Variants in LRRC38 observed in about 807,000 individuals in gnomAD.
LRRC38 encodes the protein leucine rich repeat containing 38, also known as leucine-rich repeat-containing protein 38.
In LRRC38, 5 loss-of-function variants were observed where a neutral mutation model predicts 16.4. The ratio of observed to expected loss-of-function variants is 0.31; its 90% CI spans 0.16 to 0.64. LRRC38 has a LOEUF of 0.64. Ranked by LOEUF, LRRC38 falls within the 30% of genes least tolerant of loss-of-function variation. LRRC38 has a pLI of 0.80. For synonymous variants in LRRC38, 191 were observed against 190.2 expected (o/e 1.00, Z -0.04); for missense variants, 341 against 401.8 (o/e 0.85, Z 1.29).
At chr1:13,497,178 G>A (rs576016274) in intron 1 of LRRC38, among the ~76,000 whole-genome samples, 2 of 152,094 alleles carry the variant, frequency 1.3e-5, no homozygotes, top group Admixed American at 6.5e-5. Context: ...TTCATGATAC[G>A]GGAGCCCCTG....
chr1:13,497,625 AT>A (rs1222605801), intron 1 of LRRC38, among the ~76,000 whole-genome samples: 1 of 111,186 alleles, frequency 9.0e-6, no homozygotes, highest in Non-Finnish European at 1.7e-5. Context: ...AAAACTTCAT[AT>A]GCAAAAAAAA....
At chr1:13,502,780 T>C (rs1244882609) in intron 1 of LRRC38, among the ~76,000 whole-genome samples, 1 of 152,188 alleles carries the variant, frequency 6.6e-6, no homozygotes, top group African/African-American at 2.4e-5. Context: ...GGAAGTTAGG[T>C]GACCTGTCAA....
chr1:13,490,547 T>C (rs759824145), intron 1 of LRRC38, among the ~76,000 whole-genome samples: 1 of 152,126 alleles, frequency 6.6e-6, no homozygotes, highest in Non-Finnish European at 1.5e-5. Context: ...CAACCATCAC[T>C]GCCACTGCTG....
rs1236267589 is a variant in LRRC38 at position 13,475,999 on chromosome 1, T to C, written c.732A>G (p.Ser244=). 16 of 1,550,074 alleles carry C rather than the reference T, an allele frequency of 1.0e-5. No homozygotes were observed. The highest frequency in any genetic ancestry group is 1.3e-5 in the Non-Finnish European group (15 of 1,146,904). ...ASFSECRFSL[S]LTDLCIIIFS... is the part of the protein sequence containing the mutation. The stretch of plus-strand genomic sequence containing the variant: ...AAATGATGATGCAGAGGTCTGTGAG[T>C]GACAGGCTGAACCTACACTCGCTGA... The change falls in exon 2 of 2, where the codon TCA becomes TCG. Residue 244 remains serine, a synonymous_variant. Coordinates refer to ENST00000376085, the MANE Select transcript of LRRC38 (RefSeq NM_001010847.2). The surrounding 1 kb of genome is among the most constrained non-coding windows in gnomAD (Gnocchi z 4.3).
chr1:13,488,693 T>C (rs150734494), intron 1 of LRRC38, among the ~76,000 whole-genome samples: 23 of 152,282 alleles, frequency 1.5e-4, no homozygotes, highest in African/African-American at 5.3e-4. Context: ...TGATAAGCCA[T>C]GAAAGGGTAT....
At chr1:13,481,375 T>C (rs534681077) in intron 1 of LRRC38, among the ~76,000 whole-genome samples, 3 of 137,054 alleles carry the variant, frequency 2.2e-5, no homozygotes, top group Non-Finnish European at 3.2e-5. Context: ...AGTGTTCTTA[T>C]GTTTTTTTTA....
chr1:13,485,285 A>AAAC (rs955076565), intron 1 of LRRC38, among the ~76,000 whole-genome samples: 1 of 149,122 alleles, frequency 6.7e-6, no homozygotes, highest in African/African-American at 2.5e-5. Flanking sequence ...CTTAAAAAAA[A>AAAC]AAAAAAAAAC....
intron 1 of LRRC38, among the ~76,000 whole-genome samples, chr1:13,492,141 C>T (rs1639020606): frequency 6.6e-6 from 1 of 152,218 alleles, no homozygotes. Context: ...CAGGCACAGG[C>T]AAATATTATT....
chr1:13,505,252 G>C (rs893782073), intron 1 of LRRC38, among the ~76,000 whole-genome samples: 1 of 152,126 alleles, frequency 6.6e-6, no homozygotes, highest in African/African-American at 2.4e-5. Flanking sequence ...CACCACTCCC[G>C]CAGCTGGGGG....
rs1270637201 is a variant in LRRC38, at chr1:13,481,760, TCCCTCTCTCTCCCTCTCTCCCTCTCTCC to T, written c.632-5689_632-5662del. Reference sequence around the variant, plus strand: ...ATCTGTCTCTGCCTCTCACTTTCTTTCCCTCTCTCTCCCTCTCTCCCTCTCTCCCTCTCTCTCTCTCTCTCTCTCTCTC... The same window carrying T: ...ATCTGTCTCTGCCTCTCACTTTCTTTCTCTCTCTCTCTCTCTCTCTCTCTC... On this transcript the variant is annotated intron_variant, in intron 1 of 1. Coordinates refer to ENST00000376085, the MANE Select transcript of LRRC38 (RefSeq NM_001010847.2). Among the ~76,000 whole-genome samples, 534 of 57,050 alleles carry T rather than the reference TCCCTCTCTCTCCCTCTCTCCCTCTCTCC, an allele frequency of 9.4e-3. 13 individuals are homozygous for T. The highest frequency in any genetic ancestry group is 0.076 in the African/African-American group (499 of 6,596). The allele number at this position is 57,050 out of a possible 152,430, so 37.4% of individuals were successfully genotyped here.
At chr1:13,510,674 G>C (rs1362287624) in intron 1 of LRRC38, among the ~76,000 whole-genome samples, 1 of 143,180 alleles carries the variant, frequency 7.0e-6, no homozygotes, top group Non-Finnish European at 1.5e-5. Context: ...GAGGGGGCGG[G>C]GAACACCTGT....
At chr1:13,492,033 A>C (rs1046837653) in intron 1 of LRRC38, among the ~76,000 whole-genome samples, 1 of 152,140 alleles carries the variant, frequency 6.6e-6, no homozygotes, top group Admixed American at 6.6e-5. Flanking sequence ...TCACACCGTT[A>C]TGCAACCATC....
At chr1:13,498,747 C>A (rs1279808446) in intron 1 of LRRC38, among the ~76,000 whole-genome samples, 9 of 152,228 alleles carry the variant, frequency 5.9e-5, no homozygotes, top group African/African-American at 2.2e-4. Flanking sequence ...TTATCCCCTG[C>A]AGGTGTTTCC....
chr1:13,490,157 T>G (rs1638991449), intron 1 of LRRC38, among the ~76,000 whole-genome samples: 3 of 152,008 alleles, frequency 2.0e-5, no homozygotes, highest in Admixed American at 2.0e-4. Context: ...GTTTTTTTTG[T>G]TTTTTGTTTT....
intron 1 of LRRC38, among the ~76,000 whole-genome samples, chr1:13,489,480 G>A (rs921458508): frequency 1.4e-5 from 2 of 146,674 alleles, no homozygotes; most frequent in East Asian, 2.2e-4. Context: ...CAGAGAACTT[G>A]GGCAATTTGT....
At chr1:13,479,779 A>G (rs1043714577) in intron 1 of LRRC38, among the ~76,000 whole-genome samples, 6 of 151,828 alleles carry the variant, frequency 4.0e-5, no homozygotes, top group Non-Finnish European at 8.8e-5. Context: ...GCCCAGCACA[A>G]GGCTGAGGGT....
chr1:13,513,671 G>T lies in LRRC38; in HGVS notation c.-78C>A. 1.0e-6 allele frequency: 1 copy of T among 972,546 alleles called. No homozygotes were observed. The highest frequency in any genetic ancestry group is 5.1e-4 in the Middle Eastern group (1 of 1,980). The allele number at this position is 972,546 out of a possible 1,614,324, so 60.2% of individuals were successfully genotyped here. Reference sequence around the variant, plus strand: ...GCCCTGGCGCGGGACGGCGCGGTGAGGCACTGGCTGCCGGGCGCGGGGAGC... The same window carrying T: ...GCCCTGGCGCGGGACGGCGCGGTGATGCACTGGCTGCCGGGCGCGGGGAGC... On this transcript the variant is annotated 5_prime_UTR_variant, in exon 1 of 2. Transcript: ENST00000376085.
At chr1:13,505,197 G>A (rs190244659) in intron 1 of LRRC38, among the ~76,000 whole-genome samples, 1 of 152,190 alleles carries the variant, frequency 6.6e-6, no homozygotes, top group East Asian at 1.9e-4. Flanking sequence ...GCAGAGGAGG[G>A]AAGAACATTC....
chr1:13,481,559 T>C (rs536090785), intron 1 of LRRC38, among the ~76,000 whole-genome samples: 1 of 147,620 alleles, frequency 6.8e-6, no homozygotes, highest in South Asian at 2.3e-4. Context: ...GCCCGGCTAA[T>C]TTTTTTTGTA....
Sources: gnomAD v4.1 joint callset for allele counts (sites outside exome capture counted in the v4.1 genomes callset) on GRCh38, gnomAD v4.1.1 for gene constraint, Gnocchi (gnomAD v3.1) non-coding constraint, MANE v1.5 for transcripts, NCBI Gene and HGNC (gene_info 2026-07-23, HGNC 2026-07-21) for gene names.